KIAA1671: variants seen among roughly 807,000 people sequenced by gnomAD.
The protein encoded by KIAA1671 is KIAA1671.
KIAA1671 carries 52 observed loss-of-function variants against 131.2 expected under a neutral mutation model. That is an observed-to-expected ratio of 0.40 (90% CI 0.32 to 0.50). The LOEUF (loss-of-function observed/expected upper bound fraction) is 0.50, where lower values mean the gene tolerates loss of function less well. Among genes scored for constraint, KIAA1671 ranks in the 20% least tolerant of loss-of-function variants. KIAA1671 has a pLI of 0.73. For missense variants in KIAA1671, 2,360 were observed against 2,364.2 expected (o/e 1.00, Z 0.04); for synonymous variants, 1,003 against 961.6 (o/e 1.04, Z -0.80).
At position 25,039,127 on chromosome 22, in the gene KIAA1671, C is replaced by G; in HGVS notation, c.1997C>G (p.Thr666Arg). ...CTGGGCAGGGACCCACCAGACATGA[C>G]AAAACTGAAGAAAGAGAACTCCAGA... ...SWLGRDPPDM[T>R]KLKKENSRGF... The change falls in exon 5 of 13, where the codon ACA becomes AGA. Residue 666 changes from threonine to arginine, a missense_variant. This residue lies in a region of KIAA1671 where 1,185 missense variants were observed against 1,126.2 expected (regional missense o/e 1.05). Transcript: ENST00000358431. 1 of 1,551,498 alleles carries G rather than the reference C, an allele frequency of 6.4e-7. No homozygotes were observed. Among genetic ancestry groups the G allele is most frequent in the Non-Finnish European group, 8.7e-7 (1 of 1,147,012 alleles).
chr22:24,972,858 T>C (rs965135230), intron 1 of KIAA1671, among the ~76,000 whole-genome samples: 2 of 152,140 alleles, frequency 1.3e-5, no homozygotes, highest in Non-Finnish European at 2.9e-5. Context: ...CTTCAGATAA[T>C]GATTAAGAGC....
At chr22:25,076,555 G>A (rs777281607) in intron 6 of KIAA1671, among the ~76,000 whole-genome samples, 6 of 152,126 alleles carry the variant, frequency 3.9e-5, no homozygotes, top group Non-Finnish European at 7.4e-5. Context: ...GTTGGGGCAT[G>A]GGGAGAGAGA....
At chr22:25,074,227 T>C (rs1928978639) in intron 6 of KIAA1671, among the ~76,000 whole-genome samples, 1 of 150,160 alleles carries the variant, frequency 6.7e-6, no homozygotes, top group South Asian at 2.1e-4. Context: ...CATAAAGAAA[T>C]TGAGGGGTGG....
chr22:25,130,368 C>T (rs1380955128), intron 6 of KIAA1671, among the ~76,000 whole-genome samples: 2 of 152,166 alleles, frequency 1.3e-5, no homozygotes, highest in South Asian at 2.1e-4. Flanking sequence ...ATAGACATTT[C>T]TTGAATGAAT....
At chr22:25,126,821 A>G (rs1358966310) in intron 6 of KIAA1671, among the ~76,000 whole-genome samples, 1 of 152,222 alleles carries the variant, frequency 6.6e-6, no homozygotes, top group East Asian at 1.9e-4. Context: ...TGAGCCACAG[A>G]CAATTACTGA....
chr22:25,049,020 C>T, intron 5 of KIAA1671: 1 of 587,154 alleles, frequency 1.7e-6, no homozygotes, highest in Non-Finnish European at 3.0e-6. Flanking sequence ...CACCTGAGGT[C>T]ACACAGTTAT....
At chr22:24,976,318 A>G (rs1162085284) in intron 1 of KIAA1671, among the ~76,000 whole-genome samples, 2 of 152,222 alleles carry the variant, frequency 1.3e-5, no homozygotes, top group Non-Finnish European at 2.9e-5. Context: ...TAGAGAGGGA[A>G]CAAAAGGCTT....
intron 6 of KIAA1671, among the ~76,000 whole-genome samples, chr22:25,093,757 TCTCTCTCTCTGTCTCTC>T (rs1930197092): frequency 9.6e-5 from 12 of 124,582 alleles, no homozygotes; most frequent in African/African-American, 2.2e-4. Context: ...TCTCTCTCTC[TCTCTCTCTCTGTCTCTC>T]TCTCTCTCTC....
At chr22:24,966,129 G>A (rs1002265686) in intron 1 of KIAA1671, among the ~76,000 whole-genome samples, 9 of 152,218 alleles carry the variant, frequency 5.9e-5, no homozygotes, top group South Asian at 2.1e-4. Context: ...TAATACCCCT[G>A]CCTGTTGGAG....
Position 25,093,840 on chromosome 22 carries a change from C to G in KIAA1671, c.4530+44476C>G, listed in dbSNP as rs150605944. On this transcript the variant is annotated intron_variant, in intron 6 of 12. Transcript: ENST00000358431. ...TCTCTCTCTTTCTCTCTCTGTCTGT[C>G]TCTCTCTCTCTCTCTCTCTCTCTCT... Among the ~76,000 whole-genome samples the G allele has an allele frequency of 1.1e-4, 6 of 57,056 alleles. 1 individual carries two copies. The highest frequency in any genetic ancestry group is 2.2e-4 in the Non-Finnish European group (6 of 27,062). The allele number at this position is 57,056 out of a possible 152,430, so 37.4% of individuals were successfully genotyped here.
At chr22:24,987,476 T>C (rs1053048183) in intron 1 of KIAA1671, among the ~76,000 whole-genome samples, 2 of 152,000 alleles carry the variant, frequency 1.3e-5, no homozygotes, top group Non-Finnish European at 2.9e-5. Flanking sequence ...TGGCCTATTA[T>C]TATTTTTTGA....
intron 1 of KIAA1671, among the ~76,000 whole-genome samples, chr22:24,953,998 A>G (rs1033805769): frequency 6.6e-6 from 1 of 152,148 alleles, no homozygotes; most frequent in Non-Finnish European, 1.5e-5. Flanking sequence ...AATGAAGGGT[A>G]TGAAACAGGT....
intron 11 of KIAA1671, among the ~76,000 whole-genome samples, chr22:25,189,061 G>A (rs1934571721): frequency 6.6e-6 from 1 of 152,068 alleles, no homozygotes; most frequent in Non-Finnish European, 1.5e-5. Flanking sequence ...CCAGCAGGCT[G>A]GGGATGTGAG....
intron 1 of KIAA1671, among the ~76,000 whole-genome samples, chr22:25,002,251 T>C (rs1348451755): frequency 6.6e-6 from 1 of 152,140 alleles, no homozygotes; most frequent in Non-Finnish European, 1.5e-5. Context: ...TAGGGGAAGC[T>C]GAGCATGTTC....
At chr22:25,149,398 G>A (rs1601358265) in intron 6 of KIAA1671, among the ~76,000 whole-genome samples, 1 of 152,278 alleles carries the variant, frequency 6.6e-6, no homozygotes, top group East Asian at 1.9e-4. Context: ...GAATTCATTG[G>A]AGATAGAGAG....
At chr22:25,085,836 G>C (rs1457207020) in intron 6 of KIAA1671, among the ~76,000 whole-genome samples, 1 of 152,090 alleles carries the variant, frequency 6.6e-6, no homozygotes, top group Non-Finnish European at 1.5e-5. Flanking sequence ...TTCAAGAGCA[G>C]AGATTCTCTC....
At chr22:25,178,874 C>T (rs932907994) in intron 9 of KIAA1671, among the ~76,000 whole-genome samples, 2 of 152,238 alleles carry the variant, frequency 1.3e-5, no homozygotes, top group African/African-American at 4.8e-5. Flanking sequence ...CATGGGGAGC[C>T]CCTTCCTCCT....
intron 1 of KIAA1671, among the ~76,000 whole-genome samples, chr22:24,972,330 TA>T (rs1250011504): frequency 6.6e-6 from 1 of 152,234 alleles, no homozygotes; most frequent in African/African-American, 2.4e-5. Context: ...CCTGTGCTCA[TA>T]AGCATATGGT....
chr22:25,178,501 G>C (rs1286554169), intron 9 of KIAA1671, among the ~76,000 whole-genome samples: 1 of 152,276 alleles, frequency 6.6e-6, no homozygotes, highest in African/African-American at 2.4e-5. Context: ...CATCTGCAAA[G>C]CCCTGGTGGG....
Sources: allele counts gnomAD v4.1 joint callset (sites outside exome capture counted in the v4.1 genomes callset), GRCh38; gene constraint gnomAD v4.1.1; regional missense constraint gnomAD v4.1.1; transcripts MANE v1.5; gene names NCBI Gene and HGNC (gene_info 2026-07-23, HGNC 2026-07-21).